MITF: variants seen among roughly 807,000 people sequenced by gnomAD.
MITF encodes the protein melanocyte inducing transcription factor, also known as microphthalmia-associated transcription factor.
A neutral mutation model predicts 60.5 loss-of-function variants in MITF; 17 were observed. The ratio of observed to expected loss-of-function variants is 0.28; its 90% CI spans 0.19 to 0.42. The LOEUF is 0.42. Ranked by LOEUF, MITF falls within the 10% of genes least tolerant of loss-of-function variation. MITF has a pLI of 1.00. For synonymous variants in MITF, 260 were observed against 248.5 expected (o/e 1.05, Z -0.43); for missense variants, 622 against 683.5 (o/e 0.91, Z 1.00).
intron 1 of MITF, among the ~76,000 whole-genome samples, chr3:69,840,659 C>G (rs2063619641): frequency 1.3e-5 from 2 of 152,024 alleles, no homozygotes; most frequent in Admixed American, 1.3e-4. Context: ...AATTATCCAG[C>G]CTCTTTGGAT....
chr3:69,790,418 G>T (rs953664933), intron 1 of MITF, among the ~76,000 whole-genome samples: 2 of 152,212 alleles, frequency 1.3e-5, no homozygotes, highest in Admixed American at 1.3e-4. Flanking sequence ...GCACAACAAT[G>T]TGAATGTAAT....
intron 2 of MITF, among the ~76,000 whole-genome samples, chr3:69,894,027 TTTC>T (rs1217553423): frequency 2.6e-5 from 4 of 152,218 alleles, no homozygotes; most frequent in African/African-American, 9.7e-5. Context: ...TATCAAAATG[TTTC>T]TTGATTCTGA....
chr3:69,739,535 C>T lies in MITF; in HGVS notation c.-63C>T. 1 of 1,451,052 alleles carries T rather than the reference C, an allele frequency of 6.9e-7. No homozygotes were observed. The highest frequency in any genetic ancestry group is 1.2e-5 in the South Asian group (1 of 81,920). 89.9% of individuals were successfully genotyped at this position (1,451,052 alleles called of 1,614,324 possible). On this transcript the variant is annotated 5_prime_UTR_variant, in exon 1 of 10. Transcript: ENST00000352241. ...GCTCGGGGGACCCAGGCCCAGCTAC[C>T]TTCCCTCCGCCCCCGGGCTCTGTTC...
chr3:69,755,390 G>A (rs4241391), intron 1 of MITF, among the ~76,000 whole-genome samples: 146,618 of 146,620 alleles, frequency 1, 73,308 homozygotes, highest in Middle Eastern at 1. Flanking sequence ...ATAAGGCCCT[G>A]TATTCTTGAG....
rs781538424 is a variant in MITF, at chr3:69,936,806, T to C, written c.355-1016T>C. ...AGTCTTTGAAATATAATGCAATAAA[T>C]TGATTTAATCCACTTTTTGTTATTG... On this transcript the variant is annotated intron_variant, in intron 2 of 9. Transcript: ENST00000352241. 5 of 1,556,262 alleles carry C rather than the reference T, an allele frequency of 3.2e-6. No homozygotes were observed. In the South Asian group the frequency reaches 4.5e-5, roughly 14 times the overall value.
At chr3:69,924,567 C>T (rs938510910) in intron 2 of MITF, among the ~76,000 whole-genome samples, 1 of 152,310 alleles carries the variant, frequency 6.6e-6, no homozygotes, top group East Asian at 1.9e-4. Context: ...ATGAACCCTT[C>T]GCGTAACCCA....
chr3:69,949,920 A>T (rs2107513526), intron 6 of MITF, among the ~76,000 whole-genome samples: 1 of 152,300 alleles, frequency 6.6e-6, no homozygotes, highest in East Asian at 1.9e-4. Flanking sequence ...ACAGACTGAG[A>T]ATATGGAATA....
chr3:69,915,831 T>G (rs1464243893), intron 2 of MITF, among the ~76,000 whole-genome samples: 1 of 152,156 alleles, frequency 6.6e-6, no homozygotes, highest in African/African-American at 2.4e-5. Flanking sequence ...CTCCCTGTGG[T>G]CCCTGTTCCT....
At chr3:69,938,505 G>A (rs2065897149) in intron 3 of MITF, 5 of 1,458,646 alleles carry the variant, frequency 3.4e-6, no homozygotes, top group Admixed American at 5.4e-5. Context: ...GGGGAAGAAA[G>A]AATGGAATAT....
chr3:69,827,986 A>G (rs12108009), intron 1 of MITF, among the ~76,000 whole-genome samples: 76,201 of 152,044 alleles, frequency 0.5, 20,790 homozygotes, highest in Non-Finnish European at 0.63. Flanking sequence ...GCAGCTTCAA[A>G]GTAAGAGTTG....
intron 1 of MITF, among the ~76,000 whole-genome samples, chr3:69,788,212 G>A (rs949554814): frequency 2.0e-5 from 3 of 149,974 alleles, no homozygotes; most frequent in African/African-American, 7.4e-5. Flanking sequence ...GTATACATGT[G>A]CCATGTTGGT....
At chr3:69,928,945 T>C (rs1307591604) in intron 2 of MITF, among the ~76,000 whole-genome samples, 1 of 152,176 alleles carries the variant, frequency 6.6e-6, no homozygotes, top group African/African-American at 2.4e-5. Flanking sequence ...CTGTAAGAAT[T>C]GGCAATCTTT....
At chr3:69,952,665 C>T (rs1461484004) in intron 7 of MITF, among the ~76,000 whole-genome samples, 2 of 152,036 alleles carry the variant, frequency 1.3e-5, no homozygotes, top group South Asian at 2.1e-4. Flanking sequence ...CAGGAATATG[C>T]GTGTTGGTTT....
At chr3:69,914,358 G>A (rs2065287942) in intron 2 of MITF, among the ~76,000 whole-genome samples, 1 of 152,152 alleles carries the variant, frequency 6.6e-6, no homozygotes, top group South Asian at 2.1e-4. Flanking sequence ...TTGACCTCAG[G>A]TGATCCGCCT....
chr3:69,908,602 T>C (rs1178778060), intron 2 of MITF, among the ~76,000 whole-genome samples: 1 of 152,228 alleles, frequency 6.6e-6, no homozygotes, highest in African/African-American at 2.4e-5. Flanking sequence ...GTGGTTTGTT[T>C]ACCACACTGC....
At chr3:69,816,404 A>T (rs918356545) in intron 1 of MITF, among the ~76,000 whole-genome samples, 2 of 152,018 alleles carry the variant, frequency 1.3e-5, no homozygotes, top group African/African-American at 4.8e-5. Flanking sequence ...TGCTCATCTC[A>T]TTTGTTTTTC....
At chr3:69,931,708 A>G (rs1005829782) in intron 2 of MITF, among the ~76,000 whole-genome samples, 9 of 152,210 alleles carry the variant, frequency 5.9e-5, no homozygotes, top group Non-Finnish European at 1.2e-4. Context: ...ATATAAATGT[A>G]TATATATTTA....
intron 1 of MITF, among the ~76,000 whole-genome samples, chr3:69,816,430 C>T (rs2107023344): frequency 6.6e-6 from 1 of 152,268 alleles, no homozygotes; most frequent in Non-Finnish European, 1.5e-5. Context: ...TTGGGAACCA[C>T]AGTCGTGAAC....
chr3:69,894,066 G>T (rs2064819273), intron 2 of MITF, among the ~76,000 whole-genome samples: 1 of 152,158 alleles, frequency 6.6e-6, no homozygotes, highest in Non-Finnish European at 1.5e-5. Flanking sequence ...TATAAGCTGA[G>T]AAGCCAACAA....
Sources: gnomAD v4.1 joint callset for allele counts (sites outside exome capture counted in the v4.1 genomes callset) on GRCh38, gnomAD v4.1.1 for gene constraint, MANE v1.5 for transcripts, NCBI Gene and HGNC (gene_info 2026-07-23, HGNC 2026-07-21) for gene names.